NOX4: variants seen among roughly 807,000 people sequenced by gnomAD.
NOX4 encodes the protein kidney oxidase-1.
A neutral mutation model predicts 87.6 loss-of-function variants in NOX4; 69 were observed. The observed-to-expected ratio is 0.79, with a 90% CI of 0.65 to 0.96. The LOEUF (loss-of-function observed/expected upper bound fraction) is 0.96, where lower values mean the gene tolerates loss of function less well. Among genes scored for constraint, NOX4 ranks in the 40% least tolerant of loss-of-function variants. NOX4 has a pLI of 0.00. For synonymous variants in NOX4, 275 were observed against 238.2 expected (o/e 1.15, Z -1.42); for missense variants, 680 against 681.5 (o/e 1.00, Z 0.02).
intron 2 of NOX4, among the ~76,000 whole-genome samples, chr11:89,468,748 T>G (rs944449258): frequency 6.6e-6 from 1 of 152,156 alleles, no homozygotes; most frequent in Non-Finnish European, 1.5e-5. Context: ...TGATTTTCAT[T>G]TATTTGTTTA....
chr11:89,462,003 GA>G lies in NOX4; in HGVS notation c.154-10109del, dbSNP rs201430504. 9.8e-4 allele frequency among the ~76,000 whole-genome samples: 134 copies of G among 137,306 alleles called. 1 individual carries two copies. In the East Asian group the frequency reaches 0.018, roughly 18 times the overall value. The allele number at this position is 137,306 out of a possible 152,430, so 90.1% of individuals were successfully genotyped here. The stretch of plus-strand genomic sequence containing the variant: ...TTCTGCTACTTTTGGGAAGAAAGAA[GA>G]AAAAAAAAAGGAAGAAAGGAAGCAA... On this transcript the variant is annotated intron_variant, in intron 2 of 17. Transcript: ENST00000263317.
chr11:89,428,434 G>T (rs558555090), intron 7 of NOX4, among the ~76,000 whole-genome samples: 2 of 151,866 alleles, frequency 1.3e-5, no homozygotes, highest in African/African-American at 4.8e-5. Flanking sequence ...AAACTGGATA[G>T]AGTCAAGACC....
intron 8 of NOX4, among the ~76,000 whole-genome samples, chr11:89,418,820 A>G (rs1345682963): frequency 6.6e-6 from 1 of 152,016 alleles, no homozygotes; most frequent in East Asian, 1.9e-4. Context: ...CTTGATCAAG[A>G]TATCTTTTCA....
chr11:89,475,269 C>T (rs1946118410), intron 2 of NOX4, among the ~76,000 whole-genome samples: 1 of 151,782 alleles, frequency 6.6e-6, no homozygotes, highest in Non-Finnish European at 1.5e-5. Context: ...TTTTAATTTT[C>T]CCCTATTTTC....
At chr11:89,453,611 A>G (rs1350698277) in intron 2 of NOX4, among the ~76,000 whole-genome samples, 1 of 152,198 alleles carries the variant, frequency 6.6e-6, no homozygotes, top group Non-Finnish European at 1.5e-5. Context: ...ACTATTAGCC[A>G]CACATAGTTT....
chr11:89,407,959 CT>C (rs1280144705), intron 8 of NOX4, among the ~76,000 whole-genome samples: 3 of 146,802 alleles, frequency 2.0e-5, no homozygotes, highest in East Asian at 4.1e-4. Context: ...TAGGAACCTA[CT>C]TTTTTTCCTA....
the NOX4 span, among the ~76,000 whole-genome samples, chr11:89,579,515 C>T: frequency 1.3e-5 from 2 of 151,038 alleles, no homozygotes; most frequent in African/African-American, 4.9e-5. Flanking sequence ...ATAGAATATA[C>T]AACATAAAGA....
chr11:89,427,909 C>T (rs199581815), intron 7 of NOX4, among the ~76,000 whole-genome samples: 3 of 152,066 alleles, frequency 2.0e-5, no homozygotes, highest in Non-Finnish European at 2.9e-5. Context: ...CTCAAAGACA[C>T]ATAATTGTCA....
chr11:89,528,196 G>A, the NOX4 span, among the ~76,000 whole-genome samples: 1 of 152,120 alleles, frequency 6.6e-6, no homozygotes, highest in Non-Finnish European at 1.5e-5. Flanking sequence ...ATTTGGAACG[G>A]GGGTATTTAC....
At chr11:89,443,944 C>T (rs938467122) in intron 5 of NOX4, 191 bp downstream of exon 5, 2 of 539,712 alleles carry the variant, frequency 3.7e-6, no homozygotes, top group East Asian at 6.0e-5. Flanking sequence ...CTCTCACTTT[C>T]AGCAGGAGAC....
intron 2 of NOX4, among the ~76,000 whole-genome samples, chr11:89,477,151 A>C (rs1029490838): frequency 1.3e-5 from 2 of 152,134 alleles, no homozygotes; most frequent in Non-Finnish European, 2.9e-5. Flanking sequence ...ATAATGAAAT[A>C]ATTATACAAC....
At chr11:89,351,705 C>T (rs1271208081) in intron 13 of NOX4, among the ~76,000 whole-genome samples, 6 of 151,916 alleles carry the variant, frequency 3.9e-5, no homozygotes, top group African/African-American at 9.7e-5. Context: ...AAAGTCCAGA[C>T]GAAAACACAT....
At chr11:89,389,115 T>C (rs1940933065) in intron 11 of NOX4, among the ~76,000 whole-genome samples, 1 of 152,154 alleles carries the variant, frequency 6.6e-6, no homozygotes, top group Non-Finnish European at 1.5e-5. Context: ...ATCAATCTTG[T>C]CAGCAAACAT....
At chr11:89,549,555 T>C in the NOX4 span, among the ~76,000 whole-genome samples, 4 of 152,218 alleles carry the variant, frequency 2.6e-5, no homozygotes, top group African/African-American at 4.8e-5. Flanking sequence ...GTTTGTTACA[T>C]AGGTATACAT....
rs900582131 is a variant in NOX4 at position 89,437,198 on chromosome 11, TA to T, written c.475+3489del. ...CAACATAGTGAAACTCCATCTCTAC[TA>T]AAAAAAAAATACAAAAAACTTAGCC... On this transcript the variant is annotated intron_variant, in intron 6 of 17. Transcript: ENST00000263317. Among the ~76,000 whole-genome samples the T allele has an allele frequency of 2.8e-3, 421 of 148,092 alleles. 4 individuals carry two copies. Among genetic ancestry groups the T allele is most frequent in the African/African-American group, 9.6e-3 (389 of 40,546 alleles).
intron 6 of NOX4, among the ~76,000 whole-genome samples, chr11:89,435,333 C>T (rs1248523520): frequency 6.6e-6 from 1 of 151,962 alleles, no homozygotes; most frequent in Non-Finnish European, 1.5e-5. Flanking sequence ...CATACACTTT[C>T]CTATATAGTT....
chr11:89,327,328 G>C (rs892474007), intron 17 of NOX4, among the ~76,000 whole-genome samples: 2 of 152,080 alleles, frequency 1.3e-5, no homozygotes, highest in Non-Finnish European at 2.9e-5. Flanking sequence ...TTCCTACACG[G>C]ATTTGCAAAA....
chr11:89,504,948 C>G, the NOX4 span, among the ~76,000 whole-genome samples: 2 of 152,074 alleles, frequency 1.3e-5, no homozygotes, highest in African/African-American at 4.8e-5. Context: ...TTTGGTATGG[C>G]AACATTTCAA....
In NOX4 at chr11:89,418,913, C is replaced by A. The variant is rs534158038; in HGVS notation, c.629+2989G>T. ...CAAATGCTCTTACTGTAAAAGTCTG[C>A]TTAGGTAGAAAAACCAGTCAACAAT... On this transcript the variant is annotated intron_variant, in intron 8 of 17. Transcript: ENST00000263317. Among the ~76,000 whole-genome samples the A allele has an allele frequency of 3.3e-5, 5 of 152,072 alleles. No individual in the cohort carries two copies. In the South Asian group the frequency reaches 1.0e-3, roughly 31 times the overall value.
Sources: allele counts gnomAD v4.1 joint callset (sites outside exome capture counted in the v4.1 genomes callset), GRCh38; gene constraint gnomAD v4.1.1; transcripts MANE v1.5; gene names NCBI Gene and HGNC (gene_info 2026-07-23, HGNC 2026-07-21).